VEPH1: variants seen among roughly 807,000 people sequenced by gnomAD.
The protein encoded by VEPH1 is ventricular zone-expressed PH domain-containing protein homolog 1.
Under a neutral mutation model 85.2 loss-of-function variants are expected in VEPH1, and 80 were observed. The observed-to-expected ratio is 0.94, with a 90% CI of 0.78 to 1.13. The LOEUF (loss-of-function observed/expected upper bound fraction) is 1.13. Ranked by LOEUF, VEPH1 falls within the 50% of genes most tolerant of loss-of-function variation. The pLI is 0.00. For missense variants in VEPH1, 955 were observed against 980.5 expected, an observed-to-expected ratio of 0.97 and a Z score of 0.35; for synonymous variants, 297 against 348.0, an observed-to-expected ratio of 0.85 and a Z score of 1.63.
At chr3:157,307,837 C>A (rs983954345) in intron 11 of VEPH1, among the ~76,000 whole-genome samples, 5 of 151,474 alleles carry the variant, frequency 3.3e-5, no homozygotes, top group Admixed American at 6.6e-5. Context: ...ATGAAAAGAT[C>A]ATATCTTTTC....
At chr3:157,365,897 A>G (rs988769489) in intron 7 of VEPH1, among the ~76,000 whole-genome samples, 1 of 152,132 alleles carries the variant, frequency 6.6e-6, no homozygotes, top group Non-Finnish European at 1.5e-5. Flanking sequence ...TTATTCAGGC[A>G]TGATTGATTA....
At chr3:157,404,297 T>A (rs538424715) in intron 6 of VEPH1, among the ~76,000 whole-genome samples, 2 of 152,122 alleles carry the variant, frequency 1.3e-5, no homozygotes, top group African/African-American at 4.8e-5. Flanking sequence ...AGAGTGCTTA[T>A]GGTGGGTTGG....
chr3:157,346,261 A>G (rs1034006753), intron 9 of VEPH1, among the ~76,000 whole-genome samples: 5 of 152,182 alleles, frequency 3.3e-5, no homozygotes, highest in African/African-American at 7.2e-5. Context: ...TAAGATTTCT[A>G]TTATCAGCAA....
At chr3:157,491,430 A>T (rs1024908748) in intron 2 of VEPH1, among the ~76,000 whole-genome samples, 1 of 152,164 alleles carries the variant, frequency 6.6e-6, no homozygotes, top group Non-Finnish European at 1.5e-5. Flanking sequence ...AAGGACTTGA[A>T]ATGAAAAGAC....
chr3:157,495,239 C>G lies in VEPH1; in HGVS notation c.111G>C (p.Glu37Asp). 1 of 1,613,952 alleles carries G rather than the reference C, an allele frequency of 6.2e-7. No homozygotes were observed. The change falls in exon 2 of 14, where the codon GAG becomes GAC. Residue 37 changes from glutamate to aspartate, a missense_variant. By Grantham distance (45) the Glu-to-Asp change is conservative. Coordinates refer to ENST00000362010, the MANE Select transcript of VEPH1 (RefSeq NM_001167912.2). Reference sequence around the variant, plus strand: ...AAGATGAGCTAATTATCTTAATTTGCTCCAAAGCTTCTGTAAGGCTGTCTT... The same window carrying G: ...AAGATGAGCTAATTATCTTAATTTGGTCCAAAGCTTCTGTAAGGCTGTCTT... Reference protein sequence around the residue: ...EIEDSLTEALEQIKIISSSSD... With the variant: ...EIEDSLTEALDQIKIISSSSD...
Position 157,497,349 on chromosome 3 carries a change from G to C in VEPH1, c.-157-1843C>G, listed in dbSNP as rs147677929. ...TCACAGGAGAAGACGCTTGGAGGAA[G>C]AGCAAAGGAGAGTGGTAAGCTTTCA... On this transcript the variant is annotated intron_variant, in intron 1 of 13. Coordinates refer to ENST00000362010, the MANE Select transcript of VEPH1 (RefSeq NM_001167912.2). Among the ~76,000 whole-genome samples, 3 of 152,302 alleles carry C rather than the reference G, an allele frequency of 2.0e-5. No individual in the cohort carries two copies. In the East Asian group the frequency reaches 5.8e-4, roughly 29 times the overall value.
chr3:157,291,549 A>AAG (rs1032493733), intron 11 of VEPH1, among the ~76,000 whole-genome samples: 17 of 152,350 alleles, frequency 1.1e-4, no homozygotes, highest in Admixed American at 7.2e-4. Flanking sequence ...AAAGAGATGA[A>AAG]AGAGACATAG....
At chr3:157,389,649 AG>A (rs1230212142) in intron 6 of VEPH1, among the ~76,000 whole-genome samples, 15 of 148,356 alleles carry the variant, frequency 1.0e-4, no homozygotes, top group African/African-American at 2.8e-4. Flanking sequence ...ATAGATAGAT[AG>A]ATAGATAGAT....
chr3:157,492,243 A>G (rs1560109453), intron 2 of VEPH1, among the ~76,000 whole-genome samples: 1 of 152,184 alleles, frequency 6.6e-6, no homozygotes, highest in Non-Finnish European at 1.5e-5. Context: ...AGTATTTCTT[A>G]TCCAAAGAAA....
intron 13 of VEPH1, among the ~76,000 whole-genome samples, chr3:157,264,853 A>C (rs1055735819): frequency 9.2e-5 from 14 of 152,196 alleles, no homozygotes; most frequent in African/African-American, 3.1e-4. Flanking sequence ...GAGTTTAATG[A>C]TACATAAAAC....
chr3:157,419,613 C>A (rs938073488), intron 5 of VEPH1, among the ~76,000 whole-genome samples: 1 of 152,026 alleles, frequency 6.6e-6, no homozygotes, highest in Non-Finnish European at 1.5e-5. Flanking sequence ...AAATCAAAAC[C>A]ACAGTGAGAT....
chr3:157,371,287 T>C (rs951337311), intron 7 of VEPH1, among the ~76,000 whole-genome samples: 1 of 152,316 alleles, frequency 6.6e-6, no homozygotes, highest in African/African-American at 2.4e-5. Context: ...ACTTGAAATA[T>C]GAATTCTGAG....
At chr3:157,308,609 T>C (rs1460002907) in intron 11 of VEPH1, among the ~76,000 whole-genome samples, 1 of 152,092 alleles carries the variant, frequency 6.6e-6, no homozygotes, top group African/African-American at 2.4e-5. Flanking sequence ...TCTCACCTAT[T>C]TATCCTTCTG....
intron 2 of VEPH1, 73 bp downstream of exon 2, chr3:157,495,139 C>T (rs1448794604): frequency 6.9e-7 from 1 of 1,452,282 alleles, no homozygotes; most frequent in Non-Finnish European, 9.4e-7. Context: ...GATCTTTCTG[C>T]CAGGATATAA....
At chr3:157,307,521 C>T (rs185192633) in intron 11 of VEPH1, among the ~76,000 whole-genome samples, 90 of 151,954 alleles carry the variant, frequency 5.9e-4, no homozygotes, top group African/African-American at 1.9e-3. Flanking sequence ...ACTTTCTCTT[C>T]GCTGATTTGT....
intron 9 of VEPH1, among the ~76,000 whole-genome samples, chr3:157,333,947 C>T (rs1722726727): frequency 6.6e-6 from 1 of 152,122 alleles, no homozygotes; most frequent in Admixed American, 6.5e-5. Context: ...TGAACTAAGA[C>T]CTTCTGGGCT....
intron 4 of VEPH1, among the ~76,000 whole-genome samples, chr3:157,456,764 C>G (rs115766559): frequency 0.059 from 8,930 of 151,864 alleles, 361 homozygotes; most frequent in Non-Finnish European, 0.085. Flanking sequence ...TGCTGTTTTG[C>G]TTACTATATC....
At chr3:157,420,271 G>A (rs577197630) in intron 5 of VEPH1, among the ~76,000 whole-genome samples, 35 of 151,980 alleles carry the variant, frequency 2.3e-4, no homozygotes, top group Non-Finnish European at 4.7e-4. Context: ...AGCAAACCAC[G>A]ATGGCACACA....
intron 6 of VEPH1, among the ~76,000 whole-genome samples, chr3:157,393,421 G>T (rs923526739): frequency 6.6e-6 from 1 of 152,094 alleles, no homozygotes; most frequent in Admixed American, 6.6e-5. Context: ...GCATAGAGTA[G>T]GTGACAAAAC....
Sources: allele counts gnomAD v4.1 joint callset (sites outside exome capture counted in the v4.1 genomes callset), GRCh38; gene constraint gnomAD v4.1.1; transcripts MANE v1.5; gene names NCBI Gene and HGNC (gene_info 2026-07-23, HGNC 2026-07-21).